WASF3: variants seen among roughly 807,000 people sequenced by gnomAD.
WASF3 encodes the protein WASP family member 3.
In WASF3, 11 loss-of-function variants were observed where a neutral mutation model predicts 46.6. The ratio of observed to expected loss-of-function variants is 0.24; its 90% CI spans 0.15 to 0.39. The LOEUF is 0.39. Among genes scored for constraint, WASF3 ranks in the 10% least tolerant of loss-of-function variants. The pLI, the probability that WASF3 is intolerant of heterozygous loss-of-function variation, is 1.00. For synonymous variants in WASF3, 242 were observed against 259.7 expected (o/e 0.93, Z 0.65); for missense variants, 576 against 669.8 (o/e 0.86, Z 1.55).
rs536228462 is a variant in WASF3, at chr13:26,598,814, C to T, written c.-108-14147C>T. 4.6e-5 allele frequency among the ~76,000 whole-genome samples: 7 copies of T among 152,256 alleles called. No homozygotes were observed. In the South Asian group the frequency reaches 6.2e-4, roughly 14 times the overall value. On this transcript the variant is annotated intron_variant, in intron 1 of 9. Coordinates refer to ENST00000335327, the MANE Select transcript of WASF3 (RefSeq NM_006646.6). Reference sequence around the variant, plus strand: ...CAGTGGTGAGTTATTTATACTCTTTCGATGGCTTTCAGCTCCTCAGAAGGT... The same window carrying T: ...CAGTGGTGAGTTATTTATACTCTTTTGATGGCTTTCAGCTCCTCAGAAGGT...
chr13:26,649,308 T>C (rs1174693041), intron 3 of WASF3, among the ~76,000 whole-genome samples: 1 of 152,178 alleles, frequency 6.6e-6, no homozygotes, highest in African/African-American at 2.4e-5. Context: ...TGACCTGTGA[T>C]CAAGAGAAAC....
At chr13:26,654,142 C>T (rs551801689) in intron 3 of WASF3, among the ~76,000 whole-genome samples, 1 of 152,068 alleles carries the variant, frequency 6.6e-6, no homozygotes, top group Non-Finnish European at 1.5e-5. Context: ...CACTCCCCAC[C>T]GACCCCCGCC....
At chr13:26,604,725 CA>C (rs987420896) in intron 1 of WASF3, among the ~76,000 whole-genome samples, 35 of 152,210 alleles carry the variant, frequency 2.3e-4, no homozygotes, top group African/African-American at 6.7e-4. Flanking sequence ...GTAATTAAAG[CA>C]GAGAAAAATA....
intron 2 of WASF3, among the ~76,000 whole-genome samples, chr13:26,615,453 C>T (rs1368393841): frequency 2.0e-5 from 3 of 151,998 alleles, no homozygotes; most frequent in African/African-American, 7.2e-5. Flanking sequence ...GGGTTACAGG[C>T]ATGTGCCACC....
At position 26,682,802 on chromosome 13, in the gene WASF3, A is replaced by G. The variant is rs1883276422; in HGVS notation, c.1179A>G (p.Thr393=). The change falls in exon 9 of 10, where the codon ACA becomes ACG. Residue 393 remains threonine (T), a synonymous_variant. Coordinates refer to ENST00000335327, the MANE Select transcript of WASF3 (RefSeq NM_006646.6). This position sits in a 1 kb window ranked among gnomAD's most constrained non-coding sequence, Gnocchi z 4.4. ...PHPPSTGLLV[T]APPPPGPPPP... is the part of the protein sequence containing the mutation. ...CACCCTCCACCGGGCTCCTGGTCAC[A>G]GCCCCGCCACCCCCGGGCCCACCAC... 6.2e-7 allele frequency: 1 copy of G among 1,610,510 alleles called. No homozygotes were observed. Among genetic ancestry groups the G allele is most frequent in the Non-Finnish European group, 8.5e-7 (1 of 1,179,782 alleles).
chr13:26,607,255 T>TATGA (rs1880827461), intron 1 of WASF3, among the ~76,000 whole-genome samples: 1 of 152,174 alleles, frequency 6.6e-6, no homozygotes, highest in South Asian at 2.1e-4. Flanking sequence ...GATTCATAGT[T>TATGA]ATATTTCTAA....
intron 3 of WASF3, among the ~76,000 whole-genome samples, chr13:26,653,602 G>A (rs1308881649): frequency 2.6e-5 from 4 of 152,126 alleles, no homozygotes; most frequent in Admixed American, 6.5e-5. Context: ...CTCTTCACCT[G>A]CACAGTGGTC....
At chr13:26,658,174 T>G (rs1193584415) in intron 3 of WASF3, among the ~76,000 whole-genome samples, 1 of 152,124 alleles carries the variant, frequency 6.6e-6, no homozygotes, top group East Asian at 1.9e-4. Context: ...CTGTCCCTAT[T>G]AATTAGTTTT....
intron 4 of WASF3, among the ~76,000 whole-genome samples, chr13:26,665,534 T>C (rs1257769917): frequency 1.3e-5 from 2 of 152,232 alleles, no homozygotes; most frequent in African/African-American, 4.8e-5. Context: ...TGAGACAGTG[T>C]TACACATACC....
At chr13:26,596,722 T>C (rs373102341) in intron 1 of WASF3, among the ~76,000 whole-genome samples, 2 of 152,328 alleles carry the variant, frequency 1.3e-5, no homozygotes, top group African/African-American at 4.8e-5. Context: ...TCTTAAGATA[T>C]CTTTTATCCG....
rs1325571423 is a variant in WASF3 at position 26,562,859 on chromosome 13, C to CTCCCCTCCCT, written c.-109+5048_-109+5049insCTTCCCCTCC. Among the ~76,000 whole-genome samples, 17 of 43,172 alleles carry CTCCCCTCCCT rather than the reference C, an allele frequency of 3.9e-4. 1 individual carries two copies. The highest frequency in any genetic ancestry group is 3.2e-3 in the Admixed American group (17 of 5,310). The allele number at this position is 43,172 out of a possible 152,430, so 28.3% of individuals were successfully genotyped here. ...ATTTCCTCCCCTCCCCTCCCCTCTC[C>CTCCCCTCCCT]TCCCCTCCTCCCTCCCTTCCCCTTC... is the stretch of plus-strand genomic sequence containing the variant. On this transcript the variant is annotated intron_variant, in intron 1 of 9. Coordinates refer to ENST00000335327, the MANE Select transcript of WASF3 (RefSeq NM_006646.6).
At chr13:26,554,546 C>G (rs1370510575), upstream of WASF3, among the ~76,000 whole-genome samples, 1 of 152,130 alleles carries the variant, frequency 6.6e-6, no homozygotes, top group Admixed American at 6.5e-5. Flanking sequence ...CAAAGGTGAC[C>G]TTGCTTAAAA....
intron 3 of WASF3, among the ~76,000 whole-genome samples, chr13:26,663,686 A>G (rs1239650000): frequency 6.6e-6 from 1 of 152,228 alleles, no homozygotes; most frequent in Non-Finnish European, 1.5e-5. Context: ...TTTTAAATTC[A>G]TAAGAATTCA....
At chr13:26,674,676 A>G (rs1156547213) in intron 6 of WASF3, among the ~76,000 whole-genome samples, 3 of 152,242 alleles carry the variant, frequency 2.0e-5, no homozygotes, top group African/African-American at 7.2e-5. Flanking sequence ...TGAAATATAA[A>G]TGCTTCATAA....
chr13:26,667,450 G>C (rs768739566), intron 4 of WASF3, 67 bp from the exon 5 acceptor site: 198 of 1,385,504 alleles, frequency 1.4e-4, no homozygotes, highest in Non-Finnish European at 1.9e-4. Flanking sequence ...TGAGTCAAAT[G>C]GTATTTACTT....
At chr13:26,553,208 A>T (rs1310659059), upstream of WASF3, among the ~76,000 whole-genome samples, 1 of 152,174 alleles carries the variant, frequency 6.6e-6, no homozygotes, top group African/African-American at 2.4e-5. Context: ...CACTTGCATC[A>T]CCAGTATTCT....
At chr13:26,685,664 C>T (rs764619787) in intron 9 of WASF3, 24 bp from the exon 10 acceptor site, 13 of 1,608,852 alleles carry the variant, frequency 8.1e-6, no homozygotes, top group African/African-American at 1.3e-5. Context: ...GGATGTGATT[C>T]TGAACCACGT....
In WASF3 at chr13:26,681,122, C is replaced by T; in HGVS notation, c.785C>T (p.Pro262Leu). The T allele has an allele frequency of 6.2e-7, 1 of 1,614,244 alleles. No individual in the cohort carries two copies. The highest frequency in any genetic ancestry group is 8.5e-7 in the Non-Finnish European group (1 of 1,180,034). ...ATPNHSLHPQ[P>L]VTPSYAAGDV... ...CCCAACCATTCTCTGCACCCCCAGC[C>T]TGTGACCCCTTCCTATGCAGCTGGT... Residue 262 changes from proline to leucine, a missense_variant, in exon 8 of 10, where the codon CCT becomes CTT. Transcript: ENST00000335327.
At chr13:26,548,731 C>T in the WASF3 span, among the ~76,000 whole-genome samples, 27,325 of 152,076 alleles carry the variant, frequency 0.18, 2,901 homozygotes, top group East Asian at 0.29. Context: ...AGCTTCTCTG[C>T]AACTTTCTCC....
Sources: allele counts gnomAD v4.1 joint callset (sites outside exome capture counted in the v4.1 genomes callset), GRCh38; gene constraint gnomAD v4.1.1; non-coding constraint Gnocchi (gnomAD v3.1); transcripts MANE v1.5; gene names NCBI Gene and HGNC (gene_info 2026-07-23, HGNC 2026-07-21).